Variants in NEURL1B observed in about 807,000 individuals in gnomAD.
NEURL1B encodes the protein neuralized E3 ubiquitin protein ligase 1B.
A neutral mutation model predicts 37.4 loss-of-function variants in NEURL1B; 13 were observed. That is an observed-to-expected ratio of 0.35 (90% confidence interval 0.23 to 0.55). NEURL1B has a LOEUF of 0.55. NEURL1B is among the 20% of genes least tolerant of loss of function. The pLI, the probability that NEURL1B is intolerant of heterozygous loss-of-function variation, is 0.89. For synonymous variants in NEURL1B, 432 were observed against 426.6 expected, an observed-to-expected ratio of 1.01 and a Z score of -0.16; for missense variants, 790 against 879.2, an observed-to-expected ratio of 0.90 and a Z score of 1.28.
chr5:172,657,833 G>A lies in NEURL1B; in HGVS notation c.32-11952G>A, dbSNP rs1757823849. Among the ~76,000 whole-genome samples the A allele has an allele frequency of 6.6e-6, 1 of 152,168 alleles. No individual in the cohort carries two copies. Among genetic ancestry groups the A allele is most frequent in the African/African-American group, 2.4e-5 (1 of 41,432 alleles). On this transcript the variant is annotated intron_variant, in intron 1 of 4. Transcript: ENST00000369800. This position sits in a 1 kb window ranked among gnomAD's most constrained non-coding sequence, Gnocchi z 4.0. ...TCCCTGTGGTGCTGTGCTTCAATGG[G>A]CACACTCCTCGTCCACTTTCATGTT...
At chr5:172,659,579 G>A (rs965725683) in intron 1 of NEURL1B, among the ~76,000 whole-genome samples, 2 of 152,150 alleles carry the variant, frequency 1.3e-5, no homozygotes, top group Admixed American at 1.3e-4. Context: ...AGAAAGGAAG[G>A]CCCAGGGTTT....
At chr5:172,677,384 C>T (rs897021218) in intron 2 of NEURL1B, among the ~76,000 whole-genome samples, 5 of 152,100 alleles carry the variant, frequency 3.3e-5, no homozygotes, top group Admixed American at 2.0e-4. Flanking sequence ...CTGGGTGCAT[C>T]GTGATCCCAC....
Position 172,686,424 on chromosome 5 carries a change from C to A in NEURL1B, c.1423+128C>A. ...CCCCCGCATCCTCTCCTTCCCTCAG[C>A]TGTATGCTCAGCTGGAGGGAGGAGA... On this transcript the variant is annotated intron_variant, in intron 4 of 4. Transcript: ENST00000369800. This position sits in a 1 kb window ranked among gnomAD's most constrained non-coding sequence, Gnocchi z 7.9. The A allele has an allele frequency of 9.6e-7, 1 of 1,046,936 alleles. No individual in the cohort carries two copies. Among genetic ancestry groups the A allele is most frequent in the Non-Finnish European group, 1.4e-6 (1 of 721,554 alleles). The allele number at this position is 1,046,936 out of a possible 1,614,324, so 64.9% of individuals were successfully genotyped here. A position where few individuals can be genotyped will look rare whatever the true frequency, so the allele number is the denominator to read the frequency against.
chr5:172,670,314 C>T lies in NEURL1B; in HGVS notation c.561C>T (p.Asp187=). ...WALIDVYGIT[D]EVQLLESAFA... ...TCATTGATGTCTACGGCATCACCGACGAGGTGCAGCTTCTGGGTAGGTCGC... is the reference window on the plus strand; with the variant it reads ...TCATTGATGTCTACGGCATCACCGATGAGGTGCAGCTTCTGGGTAGGTCGC... The change falls in exon 2 of 5, where the codon GAC becomes GAT. Residue 187 remains aspartate, a synonymous_variant. Coordinates refer to ENST00000369800, the MANE Select transcript of NEURL1B (RefSeq NM_001142651.3). 3.7e-6 allele frequency: 5 copies of T among 1,367,676 alleles called. No individual in the cohort carries two copies. The highest frequency in any genetic ancestry group is 4.7e-6 in the Non-Finnish European group (5 of 1,064,324). The allele number at this position is 1,367,676 out of a possible 1,614,324, so 84.7% of individuals were successfully genotyped here.
intron 2 of NEURL1B, among the ~76,000 whole-genome samples, chr5:172,681,537 T>C (rs769136667): frequency 6.6e-6 from 1 of 152,254 alleles, no homozygotes; most frequent in Non-Finnish European, 1.5e-5. Context: ...TGACCCCTTT[T>C]GCTGAGACCT....
In NEURL1B at chr5:172,687,879, G is replaced by A. The variant is rs1163993771; in HGVS notation, c.*954G>A. The A allele has an allele frequency of 2.6e-5, 4 of 152,206 alleles. No individual in the cohort carries two copies. Among genetic ancestry groups the A allele is most frequent in the Admixed American group, 1.3e-4 (2 of 15,286 alleles). The allele number at this position is 152,206 out of a possible 1,614,324, so 9.4% of individuals were successfully genotyped here. On this transcript the variant is annotated 3_prime_UTR_variant, in exon 5 of 5. Transcript: ENST00000369800. Reference sequence around the variant, plus strand: ...AGACAGCTCTCTACCTTCCTGTGGTGGCCCCTGGGCCTGGCATTCCCAGGG... The same window carrying A: ...AGACAGCTCTCTACCTTCCTGTGGTAGCCCCTGGGCCTGGCATTCCCAGGG...
intron 1 of NEURL1B, among the ~76,000 whole-genome samples, chr5:172,645,051 C>T (rs763416058): frequency 4.0e-4 from 61 of 152,300 alleles, no homozygotes; most frequent in African/African-American, 2.4e-5. Context: ...ACAGCTTTTT[C>T]GTATTAGCTC....
chr5:172,686,385 G>C lies in NEURL1B; in HGVS notation c.1423+89G>C, dbSNP rs944058704. The C allele has an allele frequency of 2.2e-6, 3 of 1,388,728 alleles. No homozygotes were observed. In the Admixed American group the frequency reaches 6.4e-5, roughly 29 times the overall value. The allele number at this position is 1,388,728 out of a possible 1,614,324, so 86.0% of individuals were successfully genotyped here. On this transcript the variant is annotated intron_variant, in intron 4 of 4. Transcript: ENST00000369800. This position sits in a 1 kb window ranked among gnomAD's most constrained non-coding sequence, Gnocchi z 7.9. ...CCAGTGGCCTTCCAGGGACTGAGCA[G>C]GGTGGCCGCCTTTCCCCCGCATCCT...
In NEURL1B at chr5:172,665,518, C is replaced by T. The variant is rs1447930023; in HGVS notation, c.32-4267C>T. Reference sequence around the variant, plus strand: ...GCCGTGGCCCTGCTTTGCCAAAAGCCCTGTAGCGGCTCCCTCTTGCCCATG... The same window carrying T: ...GCCGTGGCCCTGCTTTGCCAAAAGCTCTGTAGCGGCTCCCTCTTGCCCATG... On this transcript the variant is annotated intron_variant, in intron 1 of 4. Coordinates refer to ENST00000369800, the MANE Select transcript of NEURL1B (RefSeq NM_001142651.3). The surrounding 1 kb of genome is among the most constrained non-coding windows in gnomAD (Gnocchi z 4.1). Among the ~76,000 whole-genome samples, 1 of 152,220 alleles carries T rather than the reference C, an allele frequency of 6.6e-6. No homozygotes were observed. Among genetic ancestry groups the T allele is most frequent in the Non-Finnish European group, 1.5e-5 (1 of 68,026 alleles).
chr5:172,663,342 G>A (rs1037617580), intron 1 of NEURL1B, among the ~76,000 whole-genome samples: 2 of 151,868 alleles, frequency 1.3e-5, no homozygotes, highest in South Asian at 4.2e-4. Flanking sequence ...CCAATATGGT[G>A]AAACCCTGTC....
chr5:172,649,491 A>G (rs1757622933), intron 1 of NEURL1B, among the ~76,000 whole-genome samples: 1 of 150,608 alleles, frequency 6.6e-6, no homozygotes, highest in East Asian at 2.0e-4. Context: ...CCTCCCAAGT[A>G]GCTGAGACTA....
intron 1 of NEURL1B, among the ~76,000 whole-genome samples, chr5:172,646,736 G>C (rs1490299557): frequency 1.3e-5 from 2 of 152,186 alleles, no homozygotes; most frequent in African/African-American, 2.4e-5. Context: ...AGATGCAGGG[G>C]AGGCTTCCTG....
chr5:172,674,314 T>G (rs1449468972), intron 2 of NEURL1B, among the ~76,000 whole-genome samples: 1 of 152,130 alleles, frequency 6.6e-6, no homozygotes, highest in Non-Finnish European at 1.5e-5. Flanking sequence ...ATATTTTTTT[T>G]GCCTGGTGGA....
chr5:172,656,781 A>G lies in NEURL1B; in HGVS notation c.32-13004A>G, dbSNP rs2113277551. ...AAGGCAAAGAATTGAACACACTGAC[A>G]TATTAATTCTTTGAAAATAAATTTA... On this transcript the variant is annotated intron_variant, in intron 1 of 4. Transcript: ENST00000369800. The G allele has an allele frequency of 4.3e-6, 3 of 693,294 alleles. No homozygotes were observed. In the South Asian group the frequency reaches 4.8e-5, roughly 11 times the overall value. The allele number at this position is 693,294 out of a possible 1,614,324, so 42.9% of individuals were successfully genotyped here.
intron 2 of NEURL1B, among the ~76,000 whole-genome samples, chr5:172,680,016 C>T (rs1758317996): frequency 6.6e-6 from 1 of 152,156 alleles, no homozygotes; most frequent in African/African-American, 2.4e-5. Flanking sequence ...GCCTTTATCT[C>T]CCACTTGAAA....
chr5:172,685,734 G>A (rs1402175346), intron 3 of NEURL1B, among the ~76,000 whole-genome samples: 8 of 152,182 alleles, frequency 5.3e-5, no homozygotes, highest in African/African-American at 1.9e-4. Flanking sequence ...CCTTTGCCAC[G>A]GGTTGGCTCT....
chr5:172,654,720 G>C (rs779395564), intron 1 of NEURL1B, among the ~76,000 whole-genome samples: 1 of 152,082 alleles, frequency 6.6e-6, no homozygotes, highest in Non-Finnish European at 1.5e-5. Flanking sequence ...CCATCCGCAG[G>C]GTACTGGGTT....
chr5:172,650,895 G>A (rs1183642190), intron 1 of NEURL1B, among the ~76,000 whole-genome samples: 2 of 152,322 alleles, frequency 1.3e-5, no homozygotes, highest in East Asian at 3.9e-4. Flanking sequence ...GCGGGAGTCA[G>A]GGCAGAGCAG....
At position 172,690,953 on chromosome 5, in the gene NEURL1B, C is replaced by T. The variant is rs907325480; in HGVS notation, c.*4028C>T. ...CGTCCAGTTGAGGCAGAGGCAATAA[C>T]CTCCCATTGCTCGGCCCTGCGCCTG... On this transcript the variant is annotated 3_prime_UTR_variant, in exon 5 of 5. Coordinates refer to ENST00000369800, the MANE Select transcript of NEURL1B (RefSeq NM_001142651.3). The T allele has an allele frequency of 2.4e-4, 37 of 152,172 alleles. No homozygotes were observed. Among genetic ancestry groups the T allele is most frequent in the Admixed American group, 9.8e-4 (15 of 15,270 alleles). 9.4% of individuals were successfully genotyped at this position (152,172 alleles called of 1,614,324 possible). A position where few individuals can be genotyped will look rare whatever the true frequency, so the allele number is the denominator to read the frequency against.
Sources: gnomAD v4.1 joint callset for allele counts (sites outside exome capture counted in the v4.1 genomes callset) on GRCh38, gnomAD v4.1.1 for gene constraint, Gnocchi (gnomAD v3.1) non-coding constraint, MANE v1.5 for transcripts, NCBI Gene and HGNC (gene_info 2026-07-23, HGNC 2026-07-21) for gene names.